ICA1: variants seen among roughly 807,000 people sequenced by gnomAD.
The protein encoded by ICA1 is 69 kDa islet cell autoantigen.
A neutral mutation model predicts 71.0 loss-of-function variants in ICA1; 40 were observed. That is an observed-to-expected ratio of 0.56 (90% confidence interval 0.44 to 0.73). The LOEUF (loss-of-function observed/expected upper bound fraction) is 0.73, where lower values mean the gene tolerates loss of function less well. Ranked by LOEUF, ICA1 falls within the 30% of genes least tolerant of loss-of-function variation. ICA1 has a pLI of 0.00. For synonymous variants in ICA1, 207 were observed against 209.5 expected, an observed-to-expected ratio of 0.99 and a Z score of 0.10; for missense variants, 578 against 576.5, an observed-to-expected ratio of 1.00 and a Z score of -0.03.
intron 1 of ICA1, among the ~76,000 whole-genome samples, chr7:8,257,357 T>C (rs1360035665): frequency 6.6e-6 from 1 of 152,236 alleles, no homozygotes; most frequent in Non-Finnish European, 1.5e-5. Context: ...CTGATGTCTA[T>C]GCCCTGTTCT....
chr7:8,137,530 T>C (rs1197186048), intron 12 of ICA1, among the ~76,000 whole-genome samples: 37 of 152,246 alleles, frequency 2.4e-4, no homozygotes, highest in Admixed American at 2.4e-3. Flanking sequence ...GACACCTTTA[T>C]TCTATCAAAA....
At chr7:8,236,629 G>A (rs1474978961) in intron 1 of ICA1, among the ~76,000 whole-genome samples, 1 of 152,214 alleles carries the variant, frequency 6.6e-6, no homozygotes, top group African/African-American at 2.4e-5. Context: ...GGGTTGATAT[G>A]CTTGAATAAG....
intron 8 of ICA1, chr7:8,156,667 T>C: frequency 6.4e-6 from 4 of 622,528 alleles, no homozygotes; most frequent in Non-Finnish European, 2.5e-6. Flanking sequence ...AATAAAATGA[T>C]ACATTTCAGA....
chr7:8,188,993 G>A (rs1035801757), intron 6 of ICA1, among the ~76,000 whole-genome samples: 1 of 152,190 alleles, frequency 6.6e-6, no homozygotes, highest in Non-Finnish European at 1.5e-5. Flanking sequence ...CCCTGGGAGA[G>A]GAGTCAATTA....
chr7:8,133,366 C>G (rs1792190077), intron 12 of ICA1, among the ~76,000 whole-genome samples: 1 of 152,158 alleles, frequency 6.6e-6, no homozygotes, highest in African/African-American at 2.4e-5. Flanking sequence ...GCAACCATAG[C>G]ACTCCAGGCT....
chr7:8,138,923 C>T lies in ICA1; in HGVS notation c.1019-42G>A, dbSNP rs116054364. The T allele has an allele frequency of 7.5e-6, 12 of 1,595,292 alleles. No homozygotes were observed. The African/African-American group carries it at 1.5e-4, about 20-fold the overall frequency. On this transcript the variant is annotated intron_variant, in intron 11 of 13. Transcript: ENST00000402384. The stretch of plus-strand genomic sequence containing the variant: ...AGAAAACAAAATTATAAGTCAGTTT[C>T]ATTTTGTGAGGAGTTTGAGTCAAAT...
chr7:8,192,466 T>G (rs1301022075), intron 6 of ICA1, among the ~76,000 whole-genome samples: 1 of 152,228 alleles, frequency 6.6e-6, no homozygotes, highest in African/African-American at 2.4e-5. Flanking sequence ...GTCCCACCAC[T>G]AGCGATGTTA....
At chr7:8,224,083 G>A (rs1047647412) in intron 4 of ICA1, among the ~76,000 whole-genome samples, 2 of 152,116 alleles carry the variant, frequency 1.3e-5, no homozygotes, top group African/African-American at 2.4e-5. Context: ...GCAGGAGATA[G>A]AAAATAAAAC....
chr7:8,217,413 T>C (rs1795736208), intron 6 of ICA1, among the ~76,000 whole-genome samples: 1 of 152,216 alleles, frequency 6.6e-6, no homozygotes, highest in Non-Finnish European at 1.5e-5. Context: ...CAAGTGATGG[T>C]TCTATTTGTA....
intron 6 of ICA1, among the ~76,000 whole-genome samples, chr7:8,214,741 T>C (rs975712353): frequency 5.3e-5 from 8 of 152,204 alleles, no homozygotes; most frequent in African/African-American, 1.9e-4. Context: ...GGAAAACAGA[T>C]TGCTTTGTTT....
At chr7:8,176,925 A>G (rs1216941461) in intron 6 of ICA1, among the ~76,000 whole-genome samples, 2 of 152,138 alleles carry the variant, frequency 1.3e-5, no homozygotes, top group East Asian at 3.9e-4. Flanking sequence ...CAGGATGTGA[A>G]AGCCCCTGCT....
chr7:8,204,382 T>C (rs10952097), intron 6 of ICA1, among the ~76,000 whole-genome samples: 118,916 of 152,220 alleles, frequency 0.78, 49,692 homozygotes, highest in South Asian at 0.91. Context: ...CCTGTGGTCT[T>C]ATCTGTGAAA....
In ICA1 at chr7:8,132,946, T is replaced by C. The variant is rs1792024218; in HGVS notation, c.1061-4804A>G. On this transcript the variant is annotated intron_variant, in intron 12 of 13. Transcript: ENST00000402384. This position sits in a 1 kb window ranked among gnomAD's most constrained non-coding sequence, Gnocchi z 4.5. ...ACTGTGTATCTTTGCTTAGTCTGTGTTATGGTTTGCATATCTGTCCCTTCC... is the reference window on the plus strand; with the variant it reads ...ACTGTGTATCTTTGCTTAGTCTGTGCTATGGTTTGCATATCTGTCCCTTCC... Among the ~76,000 whole-genome samples, 1 of 152,252 alleles carries C rather than the reference T, an allele frequency of 6.6e-6. No individual in the cohort carries two copies. Among genetic ancestry groups the C allele is most frequent in the Non-Finnish European group, 1.5e-5 (1 of 68,034 alleles).
In ICA1 at chr7:8,157,161, A is replaced by AC; in HGVS notation, c.758_759insG (p.His253GlnfsTer2). 1 of 1,613,332 alleles carries AC rather than the reference A, an allele frequency of 6.2e-7. No homozygotes were observed. Among genetic ancestry groups the AC allele is most frequent in the East Asian group, 2.2e-5 (1 of 44,880 alleles). On this transcript the variant is annotated frameshift_variant, in exon 8 of 14. Transcript: ENST00000402384. LOFTEE classifies it high-confidence loss of function. ...ATGGTTGATAACCTTTGAAACTCTC[A>AC]TGGATGGCTGCCATAGTGTGAGAAG...
In ICA1 at chr7:8,143,900, C is replaced by G. The variant is rs1445096342; in HGVS notation, c.877G>C (p.Asp293His). ...KKKINQQEST[D>H]AAVQEPSQLI... ...TGGCTCGGCTCCTGCACGGCTGCAT[C>G]TGTACTTTCCTGCTGGTTGATTTTC... Residue 293 changes from aspartate to histidine, a missense_variant, in exon 9 of 14, where the codon GAT becomes CAT. Transcript: ENST00000402384. 1.2e-6 allele frequency: 2 copies of G among 1,612,024 alleles called. No individual in the cohort carries two copies. The highest frequency in any genetic ancestry group is 8.5e-7 in the Non-Finnish European group (1 of 1,178,408).
At chr7:8,167,912 C>A (rs1347625149) in intron 6 of ICA1, among the ~76,000 whole-genome samples, 1 of 152,078 alleles carries the variant, frequency 6.6e-6, no homozygotes, top group African/African-American at 2.4e-5. Flanking sequence ...TTGGCTAAAG[C>A]ATTAGGGGCA....
chr7:8,218,301 C>T lies in ICA1; in HGVS notation c.579+4G>A, dbSNP rs558753985. ...CTTCTGCTAACCCTCATAAAACCTC[C>T]TACCTTCCTGAACTTCTCCATTTGC... is the stretch of plus-strand genomic sequence containing the variant. On this transcript the variant is annotated splice_donor_region_variant and intron_variant, in intron 6 of 13. Transcript: ENST00000402384. 1.2e-6 allele frequency: 2 copies of T among 1,614,000 alleles called. No homozygotes were observed. Among genetic ancestry groups the T allele is most frequent in the African/African-American group, 1.3e-5 (1 of 75,054 alleles).
intron 3 of ICA1, among the ~76,000 whole-genome samples, chr7:8,230,136 TGACTCTGGCAAGAA>T (rs1214150133): frequency 6.6e-6 from 1 of 152,222 alleles, no homozygotes; most frequent in Non-Finnish European, 1.5e-5. Context: ...TGTGGCACAG[TGACTCTGGCAAGAA>T]GACTTCTGTC....
intron 1 of ICA1, among the ~76,000 whole-genome samples, chr7:8,239,613 G>A (rs184171408): frequency 7.8e-4 from 119 of 152,360 alleles, no homozygotes; most frequent in Non-Finnish European, 1.4e-3. Flanking sequence ...CCCAGGAAGT[G>A]CAAGGGGTCG....
Sources: allele counts gnomAD v4.1 joint callset (sites outside exome capture counted in the v4.1 genomes callset), GRCh38; gene constraint gnomAD v4.1.1; non-coding constraint Gnocchi (gnomAD v3.1); transcripts MANE v1.5; gene names NCBI Gene and HGNC (gene_info 2026-07-23, HGNC 2026-07-21).